Variants in ATP11A observed in about 807,000 individuals in gnomAD.
ATP11A encodes phospholipid-transporting ATPase IH.
A neutral mutation model predicts 154.4 loss-of-function variants in ATP11A; 81 were observed. The observed-to-expected ratio is 0.52, with a 90% CI of 0.44 to 0.63. ATP11A has a LOEUF of 0.63. Among genes scored for constraint, ATP11A ranks in the 30% least tolerant of loss-of-function variants. The pLI is 0.00. For synonymous variants in ATP11A, 623 were observed against 585.9 expected (o/e 1.06, Z -0.91); for missense variants, 1,316 against 1,474.3 (o/e 0.89, Z 1.76).
intron 5 of ATP11A, chr13:112,812,029 A>C (rs2078516553): frequency 6.6e-6 from 1 of 152,242 alleles, no homozygotes; most frequent in African/African-American, 2.4e-5. Context: ...GTCACCTCAA[A>C]CATTGATTCT....
intron 25 of ATP11A, among the ~76,000 whole-genome samples, chr13:112,871,305 C>T (rs7319456): frequency 0.48 from 73,562 of 152,210 alleles, 20,081 homozygotes; most frequent in South Asian, 0.6. Flanking sequence ...GTCTTTTCTA[C>T]GTAAAACACA....
intron 26 of ATP11A, among the ~76,000 whole-genome samples, chr13:112,872,274 AG>A (rs1466268948): frequency 1.3e-5 from 2 of 152,244 alleles, no homozygotes; most frequent in Non-Finnish European, 2.9e-5. Context: ...AACATTCCTA[AG>A]GTGATTTTCT....
rs926016960 is a variant in ATP11A, at chr13:112,785,593, T to C, written c.162+336T>C. Among the ~76,000 whole-genome samples the C allele has an allele frequency of 6.6e-6, 1 of 151,980 alleles. No individual in the cohort carries two copies. Among genetic ancestry groups the C allele is most frequent in the African/African-American group, 2.4e-5 (1 of 41,348 alleles). On this transcript the variant is annotated intron_variant, in intron 2 of 29. Coordinates refer to ENST00000375645, the MANE Select transcript of ATP11A (RefSeq NM_015205.3). The surrounding 1 kb of genome is among the most constrained non-coding windows in gnomAD (Gnocchi z 4.8). Reference sequence around the variant, plus strand: ...GAGGCGCCTGGCCACGTGCTTGTCGTGGGCCACCCTGGCCAGAGTCTCAGT... The same window carrying C: ...GAGGCGCCTGGCCACGTGCTTGTCGCGGGCCACCCTGGCCAGAGTCTCAGT...
At chr13:112,872,928 G>A (rs868096833) in intron 26 of ATP11A, among the ~76,000 whole-genome samples, 1 of 148,076 alleles carries the variant, frequency 6.8e-6, no homozygotes, top group African/African-American at 2.6e-5. Flanking sequence ...GCGGTGTGAG[G>A]TGTGGCTTTG....
rs745957851 is a variant in ATP11A at position 112,834,603 on chromosome 13, A to T, written c.1574A>T (p.Tyr525Phe). Residue 525 changes from tyrosine (Y) to phenylalanine (F), a missense_variant, in exon 15 of 30, where the codon TAC becomes TTC. Tyr to Phe is a conservative substitution (Grantham distance 22). This residue lies in a region of ATP11A where 876 missense variants were observed against 1,006.8 expected (regional missense o/e 0.87). Coordinates refer to ENST00000375645, the MANE Select transcript of ATP11A (RefSeq NM_015205.3). ...TCTCATTGCAGACTTGGCTTTACCT[A>T]CCTAAGGCTGAAGGACAATTACATG... The part of the protein sequence containing the change: ...VEGVQRLGFT[Y>F]LRLKDNYMEI... 1.2e-6 allele frequency: 2 copies of T among 1,613,864 alleles called. No homozygotes were observed. The highest frequency in any genetic ancestry group is 1.7e-6 in the Non-Finnish European group (2 of 1,179,754).
In ATP11A at chr13:112,806,218, T is replaced by A. The variant is rs1205243448; in HGVS notation, c.258T>A (p.Ile86=). 1.2e-6 allele frequency: 2 copies of A among 1,611,722 alleles called. No homozygotes were observed. The highest frequency in any genetic ancestry group is 2.7e-5 in the African/African-American group (2 of 74,872). ...ACAATTCTCTCTTTCTGCAGTTGAT[T>A]ATTGATACACCCACAAGTCCAGTGA... ...YFLIIFLVQL[I]IDTPTSPVTS... Residue 86 remains isoleucine, a synonymous_variant, in exon 4 of 30, where the codon ATT becomes ATA. Coordinates refer to ENST00000375645, the MANE Select transcript of ATP11A (RefSeq NM_015205.3).
At chr13:112,760,861 A>G (rs888810581) in intron 1 of ATP11A, among the ~76,000 whole-genome samples, 5 of 152,238 alleles carry the variant, frequency 3.3e-5, no homozygotes, top group Non-Finnish European at 1.5e-5. Context: ...TTCAGTCCAC[A>G]GGACTTTTTA....
At chr13:112,759,408 C>T (rs1184590751) in intron 1 of ATP11A, among the ~76,000 whole-genome samples, 3 of 152,184 alleles carry the variant, frequency 2.0e-5, no homozygotes, top group Non-Finnish European at 4.4e-5. Context: ...GGGGGTTGCT[C>T]CCAAGACCCT....
intron 16 of ATP11A, among the ~76,000 whole-genome samples, chr13:112,837,019 C>T (rs545856838): frequency 3.9e-5 from 6 of 152,370 alleles, no homozygotes; most frequent in South Asian, 2.1e-4. Flanking sequence ...CAGGTCACGA[C>T]ACATGCCACA....
intron 1 of ATP11A, among the ~76,000 whole-genome samples, chr13:112,763,326 C>T (rs1356363855): frequency 6.6e-6 from 1 of 152,142 alleles, no homozygotes; most frequent in East Asian, 1.9e-4. Context: ...CCTCATCCCA[C>T]CCTCCTCCCT....
intron 17 of ATP11A, among the ~76,000 whole-genome samples, chr13:112,846,826 C>T (rs534469281): frequency 9.9e-5 from 15 of 152,220 alleles, no homozygotes; most frequent in Non-Finnish European, 2.2e-4. Flanking sequence ...GCCATGCCTT[C>T]GTGATGTCCA....
At position 112,804,937 on chromosome 13, in the gene ATP11A, T is replaced by C; in HGVS notation, c.163-20T>C. 6.6e-7 allele frequency: 1 copy of C among 1,506,518 alleles called. No individual in the cohort carries two copies. The highest frequency in any genetic ancestry group is 9.2e-7 in the Non-Finnish European group (1 of 1,091,040). 93.3% of individuals were successfully genotyped at this position (1,506,518 alleles called of 1,614,324 possible). ...TAAAATCTGATCTCAATGATGGATGTTTGTTTTTCTTTTATGCAGTACACA... is the reference window on the plus strand; with the variant it reads ...TAAAATCTGATCTCAATGATGGATGCTTGTTTTTCTTTTATGCAGTACACA... On this transcript the variant is annotated intron_variant, in intron 2 of 29. Coordinates refer to ENST00000375645, the MANE Select transcript of ATP11A (RefSeq NM_015205.3).
At chr13:112,722,014 G>A (rs969852650) in intron 1 of ATP11A, among the ~76,000 whole-genome samples, 1 of 152,088 alleles carries the variant, frequency 6.6e-6, no homozygotes, top group Non-Finnish European at 1.5e-5. Context: ...ACATAACCCT[G>A]CAATCTGAAG....
intron 1 of ATP11A, among the ~76,000 whole-genome samples, chr13:112,707,697 C>T (rs183043655): frequency 3.0e-4 from 46 of 152,286 alleles, no homozygotes; most frequent in African/African-American, 1.1e-3. Context: ...GAAGTGTCAT[C>T]TTCTCTTATT....
At chr13:112,739,573 C>T (rs908318254) in intron 1 of ATP11A, among the ~76,000 whole-genome samples, 2 of 152,346 alleles carry the variant, frequency 1.3e-5, no homozygotes, top group Non-Finnish European at 2.9e-5. Flanking sequence ...CCTCGAAATA[C>T]AGGAATATGA....
intron 1 of ATP11A, among the ~76,000 whole-genome samples, chr13:112,728,501 G>C (rs558357136): frequency 2.8e-5 from 4 of 141,160 alleles, no homozygotes; most frequent in Non-Finnish European, 6.0e-5. Context: ...TGTATGTACC[G>C]CGTTATCAGT....
At chr13:112,878,540 A>C (rs2140442879) in intron 29 of ATP11A, 1 of 585,270 alleles carries the variant, frequency 1.7e-6, no homozygotes, top group African/African-American at 1.9e-5. Flanking sequence ...GCGTCCGTGC[A>C]GCCTCAGAAC....
At chr13:112,739,147 T>C (rs1891286206) in intron 1 of ATP11A, among the ~76,000 whole-genome samples, 1 of 152,186 alleles carries the variant, frequency 6.6e-6, no homozygotes, top group South Asian at 2.1e-4. Flanking sequence ...TTAAAGACTT[T>C]TGTTCCTCAA....
At chr13:112,787,471 ATACCTACTTAATTCACACC>A (rs2140043962) in intron 2 of ATP11A, among the ~76,000 whole-genome samples, 1 of 115,456 alleles carries the variant, frequency 8.7e-6, no homozygotes, top group Non-Finnish European at 1.6e-5. Context: ...ACCCCTGTGG[ATACCTACTTAATTCACACC>A]GGGTGTCCTG....
Sources: gnomAD v4.1 joint callset for allele counts (sites outside exome capture counted in the v4.1 genomes callset) on GRCh38, gnomAD v4.1.1 for gene constraint, gnomAD v4.1.1 regional missense constraint, Gnocchi (gnomAD v3.1) non-coding constraint, MANE v1.5 for transcripts, NCBI Gene and HGNC (gene_info 2026-07-23, HGNC 2026-07-21) for gene names.